CACNA2D4: variants seen among roughly 807,000 people sequenced by gnomAD.
CACNA2D4 encodes voltage-dependent calcium channel subunit alpha-2/delta-4.
CACNA2D4 carries 157 observed loss-of-function variants against 163.8 expected under a neutral mutation model. That is an observed-to-expected ratio of 0.96 (90% CI 0.84 to 1.09). CACNA2D4 has a LOEUF of 1.09. Ranked by LOEUF, CACNA2D4 falls within the 50% of genes least tolerant of loss-of-function variation. The pLI, the probability that CACNA2D4 is intolerant of heterozygous loss-of-function variation, is 0.00. For missense variants in CACNA2D4, 1,410 were observed against 1,479.9 expected (o/e 0.95, Z 0.78); for synonymous variants, 598 against 586.9 (o/e 1.02, Z -0.27).
At chr12:1,854,432 G>T (rs929634797) in intron 22 of CACNA2D4, among the ~76,000 whole-genome samples, 1 of 152,050 alleles carries the variant, frequency 6.6e-6, no homozygotes, top group African/African-American at 2.4e-5. Flanking sequence ...TTGAGATGGA[G>T]TCTCATTCTG....
chr12:1,892,450 T>C (rs1866308790), intron 6 of CACNA2D4, among the ~76,000 whole-genome samples: 1 of 152,104 alleles, frequency 6.6e-6, no homozygotes, highest in African/African-American at 2.4e-5. Flanking sequence ...TCTACCATGA[T>C]GAAAACACAT....
At chr12:1,872,482 C>G (rs1865807112) in intron 18 of CACNA2D4, among the ~76,000 whole-genome samples, 1 of 152,208 alleles carries the variant, frequency 6.6e-6, no homozygotes, top group African/African-American at 2.4e-5. Context: ...CTTTCCTCAG[C>G]CTAGACCTAG....
chr12:1,832,290 T>C (rs4765847), intron 26 of CACNA2D4, among the ~76,000 whole-genome samples: 112,295 of 152,082 alleles, frequency 0.74, 42,190 homozygotes, highest in East Asian at 0.99. Flanking sequence ...TGGCAGGGCC[T>C]GGTCTGTAAA....
At chr12:1,824,971 G>A (rs1389983920) in intron 26 of CACNA2D4, among the ~76,000 whole-genome samples, 12 of 152,260 alleles carry the variant, frequency 7.9e-5, no homozygotes, top group Admixed American at 7.8e-4. Context: ...GGCAGGATTA[G>A]CTGCTAAGAG....
At chr12:1,818,331 C>G (rs11614055) in intron 26 of CACNA2D4, among the ~76,000 whole-genome samples, 12,934 of 151,642 alleles carry the variant, frequency 0.085, 792 homozygotes, top group Non-Finnish European at 0.13. Flanking sequence ...AATAGAAAGG[C>G]GGGAAAGGTG....
intron 26 of CACNA2D4, among the ~76,000 whole-genome samples, chr12:1,831,928 A>G (rs983081880): frequency 1.1e-4 from 17 of 152,192 alleles, no homozygotes; most frequent in African/African-American, 3.4e-4. Context: ...GAGGGAGAAA[A>G]ACAGCTCTTC....
At chr12:1,859,762 A>G (rs1301361463) in intron 19 of CACNA2D4, among the ~76,000 whole-genome samples, 2 of 152,280 alleles carry the variant, frequency 1.3e-5, no homozygotes, top group Non-Finnish European at 2.9e-5. Flanking sequence ...GCTGGACCTC[A>G]GAGCCTCTTC....
chr12:1,796,311 G>A (rs755938923), intron 35 of CACNA2D4, among the ~76,000 whole-genome samples: 7 of 152,228 alleles, frequency 4.6e-5, no homozygotes, highest in African/African-American at 9.6e-5. Flanking sequence ...CCTACCGAGC[G>A]CCTCCCCTGG....
chr12:1,885,339 A>T (rs1004455444), intron 9 of CACNA2D4, among the ~76,000 whole-genome samples: 1 of 152,194 alleles, frequency 6.6e-6, no homozygotes, highest in Non-Finnish European at 1.5e-5. Flanking sequence ...GAAGCTGAGT[A>T]CAGGGGGAGG....
At chr12:1,800,157 C>T in intron 32 of CACNA2D4, 105 bp from the exon 33 acceptor site, 1 of 1,176,792 alleles carries the variant, frequency 8.5e-7, no homozygotes, top group Non-Finnish European at 1.2e-6. Flanking sequence ...CCCTCTCCTC[C>T]AGGACACCCT....
intron 19 of CACNA2D4, 76 bp from the exon 20 acceptor site, chr12:1,858,720 T>A: frequency 8.7e-7 from 1 of 1,154,646 alleles, no homozygotes; most frequent in Non-Finnish European, 1.2e-6. Context: ...GTCCTTGCCC[T>A]TACCAACACT....
chr12:1,841,273 C>G (rs1434791933), intron 25 of CACNA2D4, among the ~76,000 whole-genome samples: 1 of 152,206 alleles, frequency 6.6e-6, no homozygotes, highest in Non-Finnish European at 1.5e-5. Flanking sequence ...AAGCCAGATG[C>G]CACAGCCGAG....
rs1863031187 is a variant in CACNA2D4, at chr12:1,793,473, G to C, written c.*182C>G. On this transcript the variant is annotated 3_prime_UTR_variant, in exon 38 of 38. Coordinates refer to ENST00000382722, the MANE Select transcript of CACNA2D4 (RefSeq NM_172364.5). ...ATGAAGCATCTTGAAAGTGGTGCCA[G>C]GTGATTGGTTTCCTGTTCCATCCAG... 1 of 642,270 alleles carries C rather than the reference G, an allele frequency of 1.6e-6. No individual in the cohort carries two copies. Among genetic ancestry groups the C allele is most frequent in the African/African-American group, 1.8e-5 (1 of 55,834 alleles). 39.8% of individuals were successfully genotyped at this position (642,270 alleles called of 1,614,324 possible). A position where few individuals can be genotyped will look rare whatever the true frequency, so the allele number is the denominator to read the frequency against.
At position 1,802,595 on chromosome 12, in the gene CACNA2D4, G is replaced by C. The variant is rs1422007706; in HGVS notation, c.2722-951C>G. Reference sequence around the variant, plus strand: ...TCAGGGTGGCAGAGCTTGGGCTTTGGTGTTGGATTTCGACTTTAATGTAGG... The same window carrying C: ...TCAGGGTGGCAGAGCTTGGGCTTTGCTGTTGGATTTCGACTTTAATGTAGG... On this transcript the variant is annotated intron_variant, in intron 29 of 37. Coordinates refer to ENST00000382722, the MANE Select transcript of CACNA2D4 (RefSeq NM_172364.5). This position sits in a 1 kb window ranked among gnomAD's most constrained non-coding sequence, Gnocchi z 4.7. Among the ~76,000 whole-genome samples the C allele has an allele frequency of 1.3e-5, 2 of 152,226 alleles. No homozygotes were observed. The highest frequency in any genetic ancestry group is 2.9e-5 in the Non-Finnish European group (2 of 68,038).
intron 29 of CACNA2D4, among the ~76,000 whole-genome samples, chr12:1,804,696 T>C (rs970482): frequency 0.082 from 12,443 of 152,274 alleles, 671 homozygotes; most frequent in Admixed American, 0.18. Flanking sequence ...GCAGAGCCGC[T>C]GGGAGGGACT....
At chr12:1,830,327 T>C (rs970758265) in intron 26 of CACNA2D4, among the ~76,000 whole-genome samples, 4 of 152,226 alleles carry the variant, frequency 2.6e-5, no homozygotes, top group African/African-American at 9.7e-5. Context: ...GTGGGATTGA[T>C]GGAAACATAA....
At position 1,859,228 on chromosome 12, in the gene CACNA2D4, G is replaced by C. The variant is rs182016757; in HGVS notation, c.1941-584C>G. Among the ~76,000 whole-genome samples the C allele has an allele frequency of 2.6e-5, 4 of 152,108 alleles. No individual in the cohort carries two copies. In the East Asian group the frequency reaches 5.8e-4, roughly 22 times the overall value. On this transcript the variant is annotated intron_variant, in intron 19 of 37. Coordinates refer to ENST00000382722, the MANE Select transcript of CACNA2D4 (RefSeq NM_172364.5). ...AAAAATTAATGGGGTGTGGTGGCAC[G>C]CTCCTGTACTGTCCCAGGTACTCGG...
rs773915456 is a variant in CACNA2D4, at chr12:1,792,880, T to C, written c.*775A>G. The C allele has an allele frequency of 3.9e-5, 6 of 152,252 alleles. No individual in the cohort carries two copies. Among genetic ancestry groups the C allele is most frequent in the African/African-American group, 1.2e-4 (5 of 41,462 alleles). The allele number at this position is 152,252 out of a possible 1,614,324, so 9.4% of individuals were successfully genotyped here. Reference sequence around the variant, plus strand: ...TTGCCGTCCCCTGAATGTACATCAATTTCCATGCAGCAATTGGATGTCTCA... The same window carrying C: ...TTGCCGTCCCCTGAATGTACATCAACTTCCATGCAGCAATTGGATGTCTCA... On this transcript the variant is annotated 3_prime_UTR_variant, in exon 38 of 38. Transcript: ENST00000382722.
chr12:1,825,980 G>A (rs899972178), intron 26 of CACNA2D4, among the ~76,000 whole-genome samples: 72 of 152,204 alleles, frequency 4.7e-4, no homozygotes, highest in Admixed American at 3.3e-3. Context: ...GACAGAGAGC[G>A]TGCACGCTGC....
Sources: gnomAD v4.1 joint callset for allele counts (sites outside exome capture counted in the v4.1 genomes callset) on GRCh38, gnomAD v4.1.1 for gene constraint, Gnocchi (gnomAD v3.1) non-coding constraint, MANE v1.5 for transcripts, NCBI Gene and HGNC (gene_info 2026-07-23, HGNC 2026-07-21) for gene names.